HS3ST5: variants seen among roughly 807,000 people sequenced by gnomAD.
HS3ST5 encodes the protein heparan sulfate glucosamine 3-O-sulfotransferase 5.
In HS3ST5, 10 loss-of-function variants were observed where a neutral mutation model predicts 25.4. That is an observed-to-expected ratio of 0.39 (90% CI 0.24 to 0.67). HS3ST5 has a LOEUF of 0.67. HS3ST5 is among the 30% of genes least tolerant of loss of function. The pLI, the probability that HS3ST5 is intolerant of heterozygous loss-of-function variation, is 0.44. For synonymous variants in HS3ST5, 170 were observed against 162.4 expected (o/e 1.05, Z -0.36); for missense variants, 324 against 420.7 (o/e 0.77, Z 2.01).
At chr6:114,152,163 C>T (rs560516506) in intron 3 of HS3ST5, among the ~76,000 whole-genome samples, 22 of 152,082 alleles carry the variant, frequency 1.4e-4, no homozygotes, top group African/African-American at 4.8e-4. Context: ...ACCTCGTGAT[C>T]GACGCACTTC....
chr6:114,092,457 G>A (rs1775167713), intron 3 of HS3ST5, among the ~76,000 whole-genome samples: 1 of 144,334 alleles, frequency 6.9e-6, no homozygotes, highest in African/African-American at 2.5e-5. Flanking sequence ...CACACCTAAA[G>A]AACACTCTGT....
At chr6:114,250,580 C>CAAA (rs11289635) in intron 1 of HS3ST5, among the ~76,000 whole-genome samples, 10 of 118,994 alleles carry the variant, frequency 8.4e-5, no homozygotes, top group African/African-American at 2.7e-4. Context: ...GACTCCGTCT[C>CAAA]AAAAAAAAAA....
chr6:114,178,818 G>C (rs539761450), intron 2 of HS3ST5: 2 of 151,998 alleles, frequency 1.3e-5, no homozygotes, highest in South Asian at 4.2e-4. Context: ...AAATAAGGGT[G>C]ATAGCTTCTC....
intron 3 of HS3ST5, among the ~76,000 whole-genome samples, chr6:114,102,051 G>C (rs536833281): frequency 6.6e-6 from 1 of 152,242 alleles, no homozygotes; most frequent in Admixed American, 6.5e-5. Context: ...GCCTACTTGA[G>C]GGTGAAGGAT....
intron 2 of HS3ST5, among the ~76,000 whole-genome samples, chr6:114,201,658 T>C (rs1440460286): frequency 6.6e-6 from 1 of 152,146 alleles, no homozygotes; most frequent in African/African-American, 2.4e-5. Flanking sequence ...TGAGGCTGTA[T>C]TGGTCCGTTC....
At chr6:114,258,655 C>A (rs1186034319) in intron 1 of HS3ST5, among the ~76,000 whole-genome samples, 1 of 152,094 alleles carries the variant, frequency 6.6e-6, no homozygotes, top group African/African-American at 2.4e-5. Context: ...GCTCTTTTTG[C>A]CCCTTCTCCT....
chr6:114,173,867 C>CAAAACA (rs1779590516), intron 2 of HS3ST5, among the ~76,000 whole-genome samples: 1 of 151,952 alleles, frequency 6.6e-6, no homozygotes, highest in South Asian at 2.1e-4. Flanking sequence ...TCAAACAAAA[C>CAAAACA]AAAACAAAAA....
At chr6:114,219,188 T>C (rs1325258425) in intron 2 of HS3ST5, among the ~76,000 whole-genome samples, 1 of 152,238 alleles carries the variant, frequency 6.6e-6, no homozygotes, top group African/African-American at 2.4e-5. Context: ...TTACACTATA[T>C]TGTCTGTCAA....
At chr6:114,303,169 A>G (rs1775151158) in intron 1 of HS3ST5, among the ~76,000 whole-genome samples, 1 of 152,152 alleles carries the variant, frequency 6.6e-6, no homozygotes, top group Non-Finnish European at 1.5e-5. Flanking sequence ...GCTTTTATAT[A>G]TATAATATTT....
At chr6:114,070,666 C>T (rs1773764129) in intron 3 of HS3ST5, among the ~76,000 whole-genome samples, 1 of 152,082 alleles carries the variant, frequency 6.6e-6, no homozygotes, top group African/African-American at 2.4e-5. Context: ...CAATCCCTAC[C>T]CACCCCTTCC....
chr6:114,077,921 T>G (rs1397055471), intron 3 of HS3ST5, among the ~76,000 whole-genome samples: 1 of 152,182 alleles, frequency 6.6e-6, no homozygotes, highest in Non-Finnish European at 1.5e-5. Flanking sequence ...TGCAGTGACT[T>G]TTTTCTCCTT....
chr6:114,300,982 G>C (rs1434517722), intron 1 of HS3ST5, among the ~76,000 whole-genome samples: 4 of 152,150 alleles, frequency 2.6e-5, no homozygotes, highest in African/African-American at 9.7e-5. Context: ...ATTAGTAGTT[G>C]CCTAGAGCTA....
chr6:114,292,773 T>A (rs1209820444), intron 1 of HS3ST5, among the ~76,000 whole-genome samples: 1 of 152,212 alleles, frequency 6.6e-6, no homozygotes, highest in East Asian at 1.9e-4. Context: ...AAATCTCTGA[T>A]ATAAAATTGC....
At chr6:114,150,300 G>A (rs534681478) in intron 3 of HS3ST5, among the ~76,000 whole-genome samples, 9 of 152,202 alleles carry the variant, frequency 5.9e-5, no homozygotes, top group Admixed American at 3.3e-4. Context: ...TCACACAACC[G>A]CTAATATAAA....
At chr6:114,245,773 C>T (rs971766885) in intron 1 of HS3ST5, among the ~76,000 whole-genome samples, 3 of 152,156 alleles carry the variant, frequency 2.0e-5, no homozygotes, top group African/African-American at 7.2e-5. Flanking sequence ...GAGTCCTAGG[C>T]TTTGCCCACA....
chr6:114,341,258 A>AGAGAGT (rs1562281461), intron 1 of HS3ST5, among the ~76,000 whole-genome samples: 3 of 147,846 alleles, frequency 2.0e-5, no homozygotes, highest in Admixed American at 6.7e-5. Context: ...AGAGAGAGAG[A>AGAGAGT]GAGTGAGTCC....
chr6:114,160,356 A>G (rs1002056148), intron 3 of HS3ST5, among the ~76,000 whole-genome samples: 34 of 152,152 alleles, frequency 2.2e-4, no homozygotes, highest in Admixed American at 9.8e-4. Context: ...GTGCTAATTC[A>G]TATTATTTTA....
At chr6:114,196,102 A>AT (rs1780738083) in intron 2 of HS3ST5, among the ~76,000 whole-genome samples, 1 of 152,104 alleles carries the variant, frequency 6.6e-6, no homozygotes. Context: ...CCCCCTCTCC[A>AT]TGACAGAGAG....
intron 4 of HS3ST5, chr6:114,059,016 T>C (rs1772941600): frequency 6.6e-6 from 1 of 152,168 alleles, no homozygotes; most frequent in East Asian, 1.9e-4. Flanking sequence ...TCAATCTCAT[T>C]AAGGAAGGAG....
Sources: gnomAD v4.1 joint callset for allele counts (sites outside exome capture counted in the v4.1 genomes callset) on GRCh38, gnomAD v4.1.1 for gene constraint, MANE v1.5 for transcripts, NCBI Gene and HGNC (gene_info 2026-07-23, HGNC 2026-07-21) for gene names.